The following IL1R1 variants were observed in gnomAD, a reference collection of about 807,000 sequenced individuals.
IL1R1 encodes the protein interleukin-1 receptor type 1.
IL1R1 carries 22 observed loss-of-function variants against 50.2 expected under a neutral mutation model. That is an observed-to-expected ratio of 0.44 (90% confidence interval 0.31 to 0.63). The LOEUF is 0.63. Ranked by LOEUF, IL1R1 falls within the 20% of genes least tolerant of loss-of-function variation. IL1R1 has a pLI of 0.07. For missense variants in IL1R1, 509 were observed against 676.2 expected (o/e 0.75, Z 2.74); for synonymous variants, 251 against 236.7 (o/e 1.06, Z -0.55).
At chr2:102,118,377 C>A (rs871195) in intron 1 of IL1R1, among the ~76,000 whole-genome samples, 35,594 of 152,040 alleles carry the variant, frequency 0.23, 6,290 homozygotes, top group African/African-American at 0.49. Flanking sequence ...CTTCTGTATC[C>A]TTTATTGTAT....
At chr2:102,131,726 C>A (rs780715837) in intron 1 of IL1R1, among the ~76,000 whole-genome samples, 1 of 151,342 alleles carries the variant, frequency 6.6e-6, no homozygotes, top group Non-Finnish European at 1.5e-5. Flanking sequence ...TTCAAGTCAC[C>A]AAATACACAT....
Position 102,176,857 on chromosome 2 carries a change from A to G in IL1R1, c.*98A>G. ...CTGACTTGCAGAGTTCATGGAATGT[A>G]ACTATATCATCCTTTATCCCTGAGG... On this transcript the variant is annotated 3_prime_UTR_variant, in exon 12 of 12. Coordinates refer to ENST00000410023, the MANE Select transcript of IL1R1 (RefSeq NM_000877.4). 5 of 1,155,252 alleles carry G rather than the reference A, an allele frequency of 4.3e-6. No homozygotes were observed. Among genetic ancestry groups the G allele is most frequent in the Non-Finnish European group, 6.3e-6 (5 of 797,242 alleles). 71.6% of individuals were successfully genotyped at this position (1,155,252 alleles called of 1,614,324 possible). A position where few individuals can be genotyped will look rare whatever the true frequency, so the allele number is the denominator to read the frequency against.
intron 2 of IL1R1, among the ~76,000 whole-genome samples, chr2:102,157,075 T>A (rs1317671649): frequency 6.6e-6 from 1 of 152,140 alleles, no homozygotes; most frequent in Non-Finnish European, 1.5e-5. Context: ...CTTTTTTCCT[T>A]TCCTCTTTTT....
At chr2:102,151,979 G>A (rs565569414) in intron 1 of IL1R1, among the ~76,000 whole-genome samples, 4 of 152,208 alleles carry the variant, frequency 2.6e-5, no homozygotes, top group Non-Finnish European at 4.4e-5. Context: ...AGGCAGAAGG[G>A]GCCGATGGGA....
intron 7 of IL1R1, among the ~76,000 whole-genome samples, chr2:102,169,361 CAATTA>C (rs373615385): frequency 2.0e-5 from 3 of 152,196 alleles, no homozygotes; most frequent in Admixed American, 1.3e-4. Flanking sequence ...TGGACATGTA[CAATTA>C]AATTAAGTCA....
chr2:102,083,461 G>A (rs1378164933), intron 1 of IL1R1, among the ~76,000 whole-genome samples: 1 of 152,088 alleles, frequency 6.6e-6, no homozygotes, highest in Admixed American at 6.6e-5. Context: ...CTTTCATGAA[G>A]TAGCTGGAAT....
At chr2:102,171,664 G>A in intron 7 of IL1R1, 137 bp from the exon 8 acceptor site, 2 of 413,748 alleles carry the variant, frequency 4.8e-6, no homozygotes, top group East Asian at 3.7e-5. Context: ...GGTTTTCTCT[G>A]GGTGGTGGGT....
At chr2:102,136,580 G>A (rs1682357572) in intron 1 of IL1R1, among the ~76,000 whole-genome samples, 1 of 152,054 alleles carries the variant, frequency 6.6e-6, no homozygotes, top group Admixed American at 6.6e-5. Context: ...GTTTCCCCAT[G>A]TTGGCCAGGC....
At chr2:102,102,438 C>G (rs1680182422), upstream of IL1R1, among the ~76,000 whole-genome samples, 2 of 152,058 alleles carry the variant, frequency 1.3e-5, no homozygotes, top group Admixed American at 1.3e-4. Context: ...AATTTCCATG[C>G]AAGTCAAAAC....
intron 1 of IL1R1, among the ~76,000 whole-genome samples, chr2:102,126,580 T>C (rs952011793): frequency 1.6e-4 from 25 of 152,018 alleles, no homozygotes; most frequent in African/African-American, 5.8e-4. Flanking sequence ...TCTGGTGAGA[T>C]GTTTGAAAGG....
intron 3 of IL1R1, among the ~76,000 whole-genome samples, chr2:102,159,457 G>C (rs1684501397): frequency 6.6e-6 from 1 of 152,144 alleles, no homozygotes; most frequent in Admixed American, 6.5e-5. Flanking sequence ...AGAAATGAGA[G>C]CCTGGTGCCT....
chr2:102,102,925 T>A (rs1680206067), upstream of IL1R1, among the ~76,000 whole-genome samples: 1 of 152,080 alleles, frequency 6.6e-6, no homozygotes, highest in African/African-American at 2.4e-5. Context: ...ATGGTCTCAC[T>A]TATAAGTGAG....
intron 1 of IL1R1, among the ~76,000 whole-genome samples, chr2:102,135,376 C>G (rs1161516346): frequency 2.0e-5 from 3 of 152,098 alleles, no homozygotes. Context: ...GAAGACACTC[C>G]TCACCCCTAC....
Position 102,154,008 on chromosome 2 carries a change from C to T in IL1R1, c.-16C>T, listed in dbSNP as rs1351208259. 6.6e-6 allele frequency: 1 copy of T among 152,248 alleles called. No individual in the cohort carries two copies. The highest frequency in any genetic ancestry group is 1.5e-5 in the Non-Finnish European group (1 of 68,024). 9.4% of individuals were successfully genotyped at this position (152,248 alleles called of 1,614,324 possible). A position where few individuals can be genotyped will look rare whatever the true frequency, so the allele number is the denominator to read the frequency against. On this transcript the variant is annotated 5_prime_UTR_variant, in exon 2 of 12. Coordinates refer to ENST00000410023, the MANE Select transcript of IL1R1 (RefSeq NM_000877.4). ...TGGACCCCTTGGTAAAAGACAAGGC[C>T]TTCTCCAAGGTAACAGGGCTGAGTC...
At chr2:102,082,849 TTG>T (rs994650920) in intron 1 of IL1R1, among the ~76,000 whole-genome samples, 1 of 152,094 alleles carries the variant, frequency 6.6e-6, no homozygotes, top group Non-Finnish European at 1.5e-5. Flanking sequence ...CTCTCAGAGA[TTG>T]TTAAGAGTTT....
intron 1 of IL1R1, among the ~76,000 whole-genome samples, chr2:102,070,821 C>G (rs1409281427): frequency 6.6e-6 from 1 of 152,106 alleles, no homozygotes; most frequent in Non-Finnish European, 1.5e-5. Context: ...GTTCACCCCT[C>G]CCTCATGACA....
At chr2:102,134,474 G>A (rs867169437) in intron 1 of IL1R1, among the ~76,000 whole-genome samples, 21 of 152,080 alleles carry the variant, frequency 1.4e-4, no homozygotes, top group African/African-American at 4.3e-4. Flanking sequence ...CGCCTCCTGG[G>A]TTCAAGTGAT....
chr2:102,112,293 G>T (rs866657935), intron 1 of IL1R1, among the ~76,000 whole-genome samples: 1 of 148,000 alleles, frequency 6.8e-6, no homozygotes, highest in African/African-American at 2.5e-5. Context: ...TTTATGGCCA[G>T]CACAGAGTGG....
At chr2:102,147,531 G>C (rs1222135646) in intron 1 of IL1R1, among the ~76,000 whole-genome samples, 1 of 152,190 alleles carries the variant, frequency 6.6e-6, no homozygotes, top group Non-Finnish European at 1.5e-5. Context: ...ACAAGGCAGG[G>C]CATTTAGAAA....
Sources: allele counts gnomAD v4.1 joint callset (sites outside exome capture counted in the v4.1 genomes callset), GRCh38; gene constraint gnomAD v4.1.1; transcripts MANE v1.5; gene names NCBI Gene and HGNC (gene_info 2026-07-23, HGNC 2026-07-21).